Variants in ZNF207 observed in about 807,000 individuals in gnomAD.
ZNF207 encodes the protein zinc finger protein 207.
ZNF207 carries 24 observed loss-of-function variants against 60.2 expected under a neutral mutation model. The observed-to-expected ratio is 0.40, with a 90% CI of 0.29 to 0.56. The LOEUF is 0.56. Ranked by LOEUF, ZNF207 falls within the 20% of genes least tolerant of loss-of-function variation. The pLI, the probability that ZNF207 is intolerant of heterozygous loss-of-function variation, is 0.49. For synonymous variants in ZNF207, 236 were observed against 194.7 expected (o/e 1.21, Z -1.77); for missense variants, 452 against 636.6 (o/e 0.71, Z 3.12).
Position 32,373,173 on chromosome 17 carries a change from T to C in ZNF207, c.*3414T>C. 1 of 411,700 alleles carries C rather than the reference T, an allele frequency of 2.4e-6. No homozygotes were observed. Among genetic ancestry groups the C allele is most frequent in the Non-Finnish European group, 4.3e-6 (1 of 231,116 alleles). 25.5% of individuals were successfully genotyped at this position (411,700 alleles called of 1,614,324 possible). The stretch of plus-strand genomic sequence containing the variant: ...ACTCCTATTCCACTAAGTTACATTT[T>C]GAACTTAGACTCACCTTAATTAAAC... On this transcript the variant is annotated 3_prime_UTR_variant, in exon 12 of 12. Coordinates refer to ENST00000394670, the MANE Select transcript of ZNF207 (RefSeq NM_001098507.2).
chr17:32,352,026 G>A, intron 2 of ZNF207, 114 bp downstream of exon 2: 1 of 1,064,022 alleles, frequency 9.4e-7, no homozygotes, highest in Non-Finnish European at 1.3e-6. Flanking sequence ...GGAGTGCAGT[G>A]GTGCAATCTC....
At chr17:32,366,316 C>T (rs1346425040) in intron 8 of ZNF207, among the ~76,000 whole-genome samples, 1 of 151,676 alleles carries the variant, frequency 6.6e-6, no homozygotes, top group East Asian at 1.9e-4. Flanking sequence ...AAACTTTTGG[C>T]AAAAATCTTT....
chr17:32,352,431 A>T (rs974399725), intron 2 of ZNF207, among the ~76,000 whole-genome samples: 7 of 152,088 alleles, frequency 4.6e-5, no homozygotes, highest in African/African-American at 1.7e-4. Flanking sequence ...ATGTTTAAAG[A>T]GGGTTTGTAT....
chr17:32,358,570 TATATG>T lies in ZNF207; in HGVS notation c.237_241del (p.Ile79MetfsTer12), dbSNP rs1296878830. On this transcript the variant is annotated frameshift_variant, in exon 3 of 12. Transcript: ENST00000394670. LOFTEE classifies it high-confidence loss of function. The stretch of plus-strand genomic sequence containing the variant: ...GGAAGAACAGACATAGAGTTGGAAA[TATATG>T]GTATGGAAGGTATTCCAGAAAAAGA... 6.4e-7 allele frequency: 1 copy of T among 1,565,072 alleles called. No individual in the cohort carries two copies. The highest frequency in any genetic ancestry group is 8.6e-7 in the Non-Finnish European group (1 of 1,162,188).
chr17:32,357,351 A>ATTATTTTTTT (rs1363194053), intron 2 of ZNF207, among the ~76,000 whole-genome samples: 11 of 74,026 alleles, frequency 1.5e-4, no homozygotes, highest in African/African-American at 6.2e-4. Context: ...TATTATTATT[A>ATTATTTTTTT]TTTTTTTTTT....
At position 32,351,362 on chromosome 17, in the gene ZNF207, C is replaced by G. The variant is rs1007584949; in HGVS notation, c.42-424C>G. 7 of 895,706 alleles carry G rather than the reference C, an allele frequency of 7.8e-6. No homozygotes were observed. In the East Asian group the frequency reaches 3.6e-4, roughly 46 times the overall value. 55.5% of individuals were successfully genotyped at this position (895,706 alleles called of 1,614,324 possible). On this transcript the variant is annotated intron_variant, in intron 1 of 11. Transcript: ENST00000394670. ...AGTTACTCTTAGATTCTAAATATTG[C>G]TAAATTCCTAATCCAGTTATTGCTA...
intron 2 of ZNF207, among the ~76,000 whole-genome samples, chr17:32,356,836 A>G (rs1904535196): frequency 2.0e-5 from 3 of 152,174 alleles, no homozygotes; most frequent in South Asian, 4.1e-4. Context: ...ATGTAGCAAA[A>G]CAATATAATG....
chr17:32,363,626 G>A (rs1045392839), intron 7 of ZNF207, among the ~76,000 whole-genome samples: 1 of 141,914 alleles, frequency 7.0e-6, no homozygotes, highest in African/African-American at 2.6e-5. Flanking sequence ...CTGCTTCCGG[G>A]GTTCAAGTGA....
intron 2 of ZNF207, among the ~76,000 whole-genome samples, chr17:32,357,333 A>AT (rs1313202545): frequency 6.7e-5 from 6 of 89,124 alleles, no homozygotes; most frequent in African/African-American, 2.8e-4. Flanking sequence ...TATTATTATT[A>AT]TTATTATTAT....
chr17:32,364,038 C>CTTCT (rs146833092), intron 7 of ZNF207, among the ~76,000 whole-genome samples: 1,616 of 145,540 alleles, frequency 0.011, 12 homozygotes, highest in African/African-American at 0.015. Flanking sequence ...TTCTTTTCTT[C>CTTCT]TTTTTTTTTT....
At position 32,360,765 on chromosome 17, in the gene ZNF207, G is replaced by A. The variant is rs1567818811; in HGVS notation, c.475G>A (p.Gly159Ser). The A allele has an allele frequency of 6.2e-7, 1 of 1,613,944 alleles. No individual in the cohort carries two copies. The highest frequency in any genetic ancestry group is 8.5e-7 in the Non-Finnish European group (1 of 1,179,914). Residue 159 changes from glycine to serine, a missense_variant and splice_region_variant, in exon 4 of 12, where the codon GGC becomes AGC. Gly to Ser is a moderately conservative substitution (Grantham distance 56). Transcript: ENST00000394670. ...ACCAGGAGCACCAGGAATGCCTCCA[G>A]GTAGCACATAGGATTGCTTAAAATC... ...PVPGAPGMPPGIPPLMPGVPP... is the reference protein window; with the variant it reads ...PVPGAPGMPPSIPPLMPGVPP...
At chr17:32,363,803 T>G (rs1202994667) in intron 7 of ZNF207, among the ~76,000 whole-genome samples, 5 of 152,106 alleles carry the variant, frequency 3.3e-5, no homozygotes, top group Non-Finnish European at 7.4e-5. Flanking sequence ...AGTGCTGGGA[T>G]TACAGGCGTG....
Position 32,381,743 on chromosome 17 carries a change from G to A in ZNF207, c.*11984G>A, listed in dbSNP as rs1180242103. Reference sequence around the variant, plus strand: ...GAAGCCTGAAGTTATTTTTTAGTTTGTTTTCATCTAAAAGTGGAAAGATTT... The same window carrying A: ...GAAGCCTGAAGTTATTTTTTAGTTTATTTTCATCTAAAAGTGGAAAGATTT... On this transcript the variant is annotated 3_prime_UTR_variant, in exon 12 of 12. Coordinates refer to ENST00000394670, the MANE Select transcript of ZNF207 (RefSeq NM_001098507.2). 1 of 152,048 alleles carries A rather than the reference G, an allele frequency of 6.6e-6. No individual in the cohort carries two copies. Among genetic ancestry groups the A allele is most frequent in the Admixed American group, 6.6e-5 (1 of 15,266 alleles). The allele number at this position is 152,048 out of a possible 1,614,324, so 9.4% of individuals were successfully genotyped here.
chr17:32,374,264 C>T lies in ZNF207; in HGVS notation c.*4505C>T, dbSNP rs187989893. 2.5e-5 allele frequency: 3 copies of T among 118,662 alleles called. No homozygotes were observed. Among genetic ancestry groups the T allele is most frequent in the Admixed American group, 1.0e-4 (1 of 9,946 alleles). 7.4% of individuals were successfully genotyped at this position (118,662 alleles called of 1,614,324 possible). A position where few individuals can be genotyped will look rare whatever the true frequency, so the allele number is the denominator to read the frequency against. ...AGACTGTCTCGCTGTGTCACCCAGG[C>T]CAGAGTGCAGTAGCACGATCTCAGC... is the stretch of plus-strand genomic sequence containing the variant. On this transcript the variant is annotated 3_prime_UTR_variant, in exon 12 of 12. Coordinates refer to ENST00000394670, the MANE Select transcript of ZNF207 (RefSeq NM_001098507.2).
At chr17:32,365,056 G>A (rs573526206) in intron 7 of ZNF207, among the ~76,000 whole-genome samples, 2 of 152,320 alleles carry the variant, frequency 1.3e-5, no homozygotes, top group East Asian at 3.9e-4. Context: ...ATTGCAAGAA[G>A]TTTGCTAAAT....
intron 2 of ZNF207, among the ~76,000 whole-genome samples, chr17:32,353,579 C>A (rs569229053): frequency 6.6e-6 from 1 of 150,902 alleles, no homozygotes; most frequent in Non-Finnish European, 1.5e-5. Context: ...GTCAGGGTTT[C>A]AAGACCAGCC....
intron 2 of ZNF207, among the ~76,000 whole-genome samples, chr17:32,355,074 G>A (rs144486822): frequency 1.6e-3 from 247 of 152,314 alleles, no homozygotes; most frequent in African/African-American, 5.7e-3. Flanking sequence ...AAAAAGTGAG[G>A]AGTTAAGGGT....
At position 32,374,819 on chromosome 17, in the gene ZNF207, T is replaced by C. The variant is rs1905621708; in HGVS notation, c.*5060T>C. On this transcript the variant is annotated 3_prime_UTR_variant, in exon 12 of 12. Coordinates refer to ENST00000394670, the MANE Select transcript of ZNF207 (RefSeq NM_001098507.2). ...GATCCTGTGGTAAAGTATGTTAAAC[T>C]ATGGTTTTGGAGTGATTATTTTGAG... 1 of 152,226 alleles carries C rather than the reference T, an allele frequency of 6.6e-6. No individual in the cohort carries two copies. Among genetic ancestry groups the C allele is most frequent in the African/African-American group, 2.4e-5 (1 of 41,456 alleles). The allele number at this position is 152,226 out of a possible 1,614,324, so 9.4% of individuals were successfully genotyped here.
At chr17:32,359,042 A>C (rs1290753312) in intron 3 of ZNF207, among the ~76,000 whole-genome samples, 1 of 147,774 alleles carries the variant, frequency 6.8e-6, no homozygotes, top group Non-Finnish European at 1.5e-5. Context: ...CTAAGTGGTG[A>C]TTTGCCCACT....
Sources: gnomAD v4.1 joint callset for allele counts (sites outside exome capture counted in the v4.1 genomes callset) on GRCh38, gnomAD v4.1.1 for gene constraint, MANE v1.5 for transcripts, NCBI Gene and HGNC (gene_info 2026-07-23, HGNC 2026-07-21) for gene names.